The following LRRTM4 variants were observed in gnomAD, a reference collection of about 807,000 sequenced individuals.
LRRTM4 encodes leucine-rich repeat transmembrane neuronal protein 4.
Under a neutral mutation model 47.6 loss-of-function variants are expected in LRRTM4, and 25 were observed. The ratio of observed to expected loss-of-function variants is 0.53; its 90% CI spans 0.38 to 0.73. The LOEUF (loss-of-function observed/expected upper bound fraction) is 0.73. Ranked by LOEUF, LRRTM4 falls within the 30% of genes least tolerant of loss-of-function variation. LRRTM4 has a pLI of 0.00. For synonymous variants in LRRTM4, 311 were observed against 269.5 expected (o/e 1.15, Z -1.51); for missense variants, 638 against 713.4 (o/e 0.89, Z 1.20).
intron 3 of LRRTM4, among the ~76,000 whole-genome samples, chr2:77,338,686 T>A (rs1028279052): frequency 1.3e-5 from 2 of 151,070 alleles, no homozygotes; most frequent in African/African-American, 2.5e-5. Context: ...TGGAAAGCAG[T>A]TTGGTGATTT....
At chr2:77,058,359 C>T (rs555808879) in intron 3 of LRRTM4, among the ~76,000 whole-genome samples, 1 of 152,222 alleles carries the variant, frequency 6.6e-6, no homozygotes, top group Non-Finnish European at 1.5e-5. Flanking sequence ...CCATGAAAGC[C>T]AAGTCTACTG....
chr2:76,953,308 A>C (rs1217009314), intron 3 of LRRTM4, among the ~76,000 whole-genome samples: 1 of 151,856 alleles, frequency 6.6e-6, no homozygotes, highest in Non-Finnish European at 1.5e-5. Flanking sequence ...ATATGGACCA[A>C]AAAGCCTCTA....
intron 3 of LRRTM4, among the ~76,000 whole-genome samples, chr2:77,268,495 C>T (rs1676110812): frequency 6.6e-6 from 1 of 152,070 alleles, no homozygotes; most frequent in African/African-American, 2.4e-5. Flanking sequence ...CAGCTGAACT[C>T]CTGGAAGTCT....
intron 3 of LRRTM4, among the ~76,000 whole-genome samples, chr2:77,510,982 G>A (rs914313995): frequency 6.6e-6 from 1 of 151,902 alleles, no homozygotes; most frequent in Non-Finnish European, 1.5e-5. Context: ...TGGAAAAAAT[G>A]ATTCTTCTTG....
intron 3 of LRRTM4, among the ~76,000 whole-genome samples, chr2:77,246,995 T>A (rs1413481310): frequency 2.6e-5 from 4 of 152,076 alleles, no homozygotes; most frequent in African/African-American, 9.7e-5. Context: ...ATGTTTTATA[T>A]TTACACCCAT....
At chr2:77,040,833 G>T (rs1679004971) in intron 3 of LRRTM4, among the ~76,000 whole-genome samples, 1 of 151,230 alleles carries the variant, frequency 6.6e-6, no homozygotes, top group Non-Finnish European at 1.5e-5. Context: ...CATATTGATG[G>T]GGTAAAGTGT....
At position 76,828,285 on chromosome 2, in the gene LRRTM4, A is replaced by T. The variant is rs1671242385; in HGVS notation, c.1552-79369T>A. 2.6e-5 allele frequency among the ~76,000 whole-genome samples: 4 copies of T among 152,038 alleles called. No individual in the cohort carries two copies. In the South Asian group the frequency reaches 8.3e-4, roughly 31 times the overall value. On this transcript the variant is annotated intron_variant, in intron 3 of 3. Transcript: ENST00000409884. ...TGCAGTAAAGTAGGAAAGCTCTTAA[A>T]ACTTCAAGAGGAAAAGGCTTCCTCC...
intron 3 of LRRTM4, among the ~76,000 whole-genome samples, chr2:77,343,614 T>C (rs1671455704): frequency 6.6e-6 from 1 of 151,926 alleles, no homozygotes; most frequent in Non-Finnish European, 1.5e-5. Flanking sequence ...AGTTATTATA[T>C]AATCTAAAAT....
intron 3 of LRRTM4, among the ~76,000 whole-genome samples, chr2:77,136,319 C>T (rs1572997127): frequency 6.6e-6 from 1 of 152,178 alleles, no homozygotes; most frequent in African/African-American, 2.4e-5. Context: ...TGCTGTTCAA[C>T]AATATTTGCT....
At chr2:77,037,461 A>G (rs1334021987) in intron 3 of LRRTM4, among the ~76,000 whole-genome samples, 1 of 151,714 alleles carries the variant, frequency 6.6e-6, no homozygotes, top group Admixed American at 6.6e-5. Context: ...CAAGCATTAT[A>G]CAGCTCCTAC....
At chr2:77,087,539 AG>A (rs1224396809) in intron 3 of LRRTM4, among the ~76,000 whole-genome samples, 2 of 152,264 alleles carry the variant, frequency 1.3e-5, no homozygotes, top group African/African-American at 4.8e-5. Flanking sequence ...CAATGTTTAC[AG>A]AAATTTTGCA....
At chr2:77,137,531 T>C (rs1325909564) in intron 3 of LRRTM4, among the ~76,000 whole-genome samples, 1 of 151,868 alleles carries the variant, frequency 6.6e-6, no homozygotes, top group Non-Finnish European at 1.5e-5. Context: ...TGCCAAATTG[T>C]AAAGACCATC....
At chr2:77,098,245 T>A (rs1670862816) in intron 3 of LRRTM4, among the ~76,000 whole-genome samples, 1 of 152,042 alleles carries the variant, frequency 6.6e-6, no homozygotes, top group Non-Finnish European at 1.5e-5. Context: ...TTGGGAGAAC[T>A]TATCCTGTCT....
At chr2:76,759,052 C>A (rs2104076077) in intron 3 of LRRTM4, among the ~76,000 whole-genome samples, 1 of 151,806 alleles carries the variant, frequency 6.6e-6, no homozygotes, top group East Asian at 1.9e-4. Flanking sequence ...TTGTTTCTAA[C>A]CATTAAAAAA....
intron 3 of LRRTM4, among the ~76,000 whole-genome samples, chr2:76,777,223 G>T (rs1419822684): frequency 1.3e-5 from 2 of 150,568 alleles, no homozygotes; most frequent in East Asian, 2.0e-4. Flanking sequence ...TTTGGCTTAG[G>T]ATTGACTTGG....
chr2:77,004,891 C>T (rs929428917), intron 3 of LRRTM4, among the ~76,000 whole-genome samples: 1 of 152,156 alleles, frequency 6.6e-6, no homozygotes, highest in Non-Finnish European at 1.5e-5. Context: ...GATTTGACTG[C>T]CCCGCTGGAT....
chr2:76,763,697 T>TAG lies in LRRTM4; in HGVS notation c.1552-14783_1552-14782dup, dbSNP rs147264430. On this transcript the variant is annotated intron_variant, in intron 3 of 3. Coordinates refer to ENST00000409884, the MANE Select transcript of LRRTM4 (RefSeq NM_001134745.3). ...CATGGTTTTGGATCTGGGTCATGGG[T>TAG]AGAGGCCAGAAGAGTTTAGAGGTAC... 1.1e-3 allele frequency among the ~76,000 whole-genome samples: 160 copies of TAG among 152,256 alleles called. 4 individuals are homozygous for TAG. In the East Asian group the frequency reaches 0.026, roughly 24 times the overall value.
At chr2:77,231,576 A>ATAC (rs1674966380) in intron 3 of LRRTM4, among the ~76,000 whole-genome samples, 2 of 152,084 alleles carry the variant, frequency 1.3e-5, no homozygotes, top group Admixed American at 6.5e-5. Context: ...ATAAAGCTTA[A>ATAC]CAGTTATTAT....
At chr2:76,904,806 C>A (rs1391866795) in intron 3 of LRRTM4, among the ~76,000 whole-genome samples, 1 of 152,060 alleles carries the variant, frequency 6.6e-6, no homozygotes, top group Non-Finnish European at 1.5e-5. Context: ...TATAAGAATA[C>A]CTACCACAAG....
Sources: gnomAD v4.1 joint callset for allele counts (sites outside exome capture counted in the v4.1 genomes callset) on GRCh38, gnomAD v4.1.1 for gene constraint, MANE v1.5 for transcripts, NCBI Gene and HGNC (gene_info 2026-07-23, HGNC 2026-07-21) for gene names.